Variants in TMEM269 observed in about 807,000 individuals in gnomAD.
TMEM269 encodes transmembrane protein 269.
In TMEM269, 12 loss-of-function variants were observed where a neutral mutation model predicts 15.8. That is an observed-to-expected ratio of 0.76 (90% CI 0.49 to 1.23). The LOEUF is 1.23. Among genes scored for constraint, TMEM269 ranks in the 50% most tolerant of loss-of-function variants. The pLI is 0.00. For synonymous variants in TMEM269, 93 were observed against 99.3 expected, an observed-to-expected ratio of 0.94 and a Z score of 0.38; for missense variants, 211 against 245.4, an observed-to-expected ratio of 0.86 and a Z score of 0.94.
chr1:42,798,206 G>A lies in TMEM269; in HGVS notation c.593G>A (p.Cys198Tyr). ...GATGCTCTGTGGGGCAAGGCAGCCT[G>A]TCTTTCGCCACAGCACTGAGGAAGC... ...FPDALWGKAA[C>Y]LSPQH The change falls in exon 6 of 6, where the codon TGT becomes TAT. Residue 198 changes from cysteine to tyrosine, a missense_variant. By Grantham distance (194) the Cys-to-Tyr change is radical. Coordinates refer to ENST00000637012, the MANE Select transcript of TMEM269 (RefSeq NM_001354602.2). The A allele has an allele frequency of 6.5e-7, 1 of 1,547,478 alleles. No individual in the cohort carries two copies. The highest frequency in any genetic ancestry group is 8.7e-7 in the Non-Finnish European group (1 of 1,147,018).
At chr1:42,795,660 A>G (rs1653779342) in intron 5 of TMEM269, among the ~76,000 whole-genome samples, 1 of 152,204 alleles carries the variant, frequency 6.6e-6, no homozygotes, top group Non-Finnish European at 1.5e-5. Flanking sequence ...CCAGGCCCTG[A>G]GTTCCTGGTC....
At chr1:42,785,327 G>A (rs535115177) in intron 1 of TMEM269, among the ~76,000 whole-genome samples, 18 of 152,304 alleles carry the variant, frequency 1.2e-4, no homozygotes, top group Middle Eastern at 6.8e-3. Flanking sequence ...TGGCATGAGC[G>A]GCGTCGTCGC....
chr1:42,785,492 C>T (rs1653524595), intron 1 of TMEM269, among the ~76,000 whole-genome samples: 1 of 152,220 alleles, frequency 6.6e-6, no homozygotes, highest in Non-Finnish European at 1.5e-5. Context: ...CTTTTCTCCT[C>T]ACGTCCACCC....
In TMEM269 at chr1:42,793,689, C is replaced by A; in HGVS notation, c.228C>A (p.Ile76=). ...LLGVDGLLSG[I]LAIIYVSAAS... is the part of the protein sequence containing the mutation. ...GCGTGGATGGACTTCTGAGTGGGATCCTGGCCATCATCTATGTGTCAGCTG... is the reference window on the plus strand; with the variant it reads ...GCGTGGATGGACTTCTGAGTGGGATACTGGCCATCATCTATGTGTCAGCTG... Residue 76 remains isoleucine (I), a synonymous_variant, in exon 4 of 6, where the codon ATC becomes ATA. Transcript: ENST00000637012. 3 of 1,550,622 alleles carry A rather than the reference C, an allele frequency of 1.9e-6. No individual in the cohort carries two copies. Among genetic ancestry groups the A allele is most frequent in the Non-Finnish European group, 2.6e-6 (3 of 1,146,980 alleles).
chr1:42,798,296 G>T lies in TMEM269; in HGVS notation c.*71G>T, dbSNP rs902374296. 4.6e-6 allele frequency: 7 copies of T among 1,526,560 alleles called. No homozygotes were observed. The African/African-American group carries it at 9.6e-5, about 21-fold the overall frequency. 94.6% of individuals were successfully genotyped at this position (1,526,560 alleles called of 1,614,324 possible). ...TGTGTCAGCATATTGGGTCAAGCCT[G>T]CACTAAAGCTTTGTATGTACCTGTG... On this transcript the variant is annotated 3_prime_UTR_variant, in exon 6 of 6. Coordinates refer to ENST00000637012, the MANE Select transcript of TMEM269 (RefSeq NM_001354602.2).
chr1:42,793,577 C>T, intron 3 of TMEM269, 24 bp from the exon 4 acceptor site: 1 of 1,542,406 alleles, frequency 6.5e-7, no homozygotes, highest in Non-Finnish European at 8.7e-7. Context: ...ATAAGTTCTT[C>T]TAACCTTGGG....
intron 5 of TMEM269, 51 bp from the exon 6 acceptor site, chr1:42,798,047 A>C: frequency 6.5e-7 from 1 of 1,548,196 alleles, no homozygotes; most frequent in Non-Finnish European, 8.7e-7. Context: ...GGTAGAAAGC[A>C]TAGAAGACAG....
intron 5 of TMEM269, among the ~76,000 whole-genome samples, 180 bp downstream of exon 5, chr1:42,794,793 A>G (rs1464799379): frequency 6.6e-6 from 1 of 152,220 alleles, no homozygotes. Context: ...CCCCCAATAG[A>G]GGACTCTCTT....
In TMEM269 at chr1:42,788,474, G is replaced by A. The variant is rs571324539; in HGVS notation, c.-98-1322G>A. On this transcript the variant is annotated intron_variant, in intron 1 of 5. Coordinates refer to ENST00000637012, the MANE Select transcript of TMEM269 (RefSeq NM_001354602.2). This position sits in a 1 kb window ranked among gnomAD's most constrained non-coding sequence, Gnocchi z 4.0. Reference sequence around the variant, plus strand: ...TTCTCAAGCAGATTGAGTGTAAGGTGTACAAATGTGGTCTTAGAGTAAAAA... The same window carrying A: ...TTCTCAAGCAGATTGAGTGTAAGGTATACAAATGTGGTCTTAGAGTAAAAA... Among the ~76,000 whole-genome samples, 20 of 152,258 alleles carry A rather than the reference G, an allele frequency of 1.3e-4. No individual in the cohort carries two copies. Among genetic ancestry groups the A allele is most frequent in the African/African-American group, 4.6e-4 (19 of 41,554 alleles).
In TMEM269 at chr1:42,793,170, T is replaced by C. The variant is rs926674808; in HGVS notation, c.139+268T>C. 4.6e-5 allele frequency among the ~76,000 whole-genome samples: 7 copies of C among 152,256 alleles called. No individual in the cohort carries two copies. The East Asian group carries it at 1.2e-3, about 25-fold the overall frequency. ...TCTCATCTGCCCTGCTTCCCTGTTC[T>C]GGGCCCATCCAGGTATTGGAGTGGA... On this transcript the variant is annotated intron_variant, in intron 3 of 5. Coordinates refer to ENST00000637012, the MANE Select transcript of TMEM269 (RefSeq NM_001354602.2).
chr1:42,789,625 T>C, intron 1 of TMEM269, 171 bp from the exon 2 acceptor site: 1 of 965,276 alleles, frequency 1.0e-6, no homozygotes, highest in Non-Finnish European at 1.6e-6. Context: ...ACCTTTGTCT[T>C]CACCTCCTGA....
At position 42,798,456 on chromosome 1, in the gene TMEM269, G is replaced by C; in HGVS notation, c.*231G>C. On this transcript the variant is annotated 3_prime_UTR_variant, in exon 6 of 6. Coordinates refer to ENST00000637012, the MANE Select transcript of TMEM269 (RefSeq NM_001354602.2). ...GGACAATACTTGTTTATGTCATGTA[G>C]AGCAGAATATCCCCCCGCCTCAAGC... 1.9e-6 allele frequency: 1 copy of C among 531,410 alleles called. No individual in the cohort carries two copies. The highest frequency in any genetic ancestry group is 3.3e-6 in the Non-Finnish European group (1 of 301,542). 32.9% of individuals were successfully genotyped at this position (531,410 alleles called of 1,614,324 possible).
intron 1 of TMEM269, chr1:42,789,331 T>A: frequency 1.0e-6 from 1 of 993,532 alleles, no homozygotes; most frequent in Non-Finnish European, 1.5e-6. Context: ...TGCAGCCCTG[T>A]GCTTCAGAAG....
intron 5 of TMEM269, 68 bp downstream of exon 5, chr1:42,794,681 G>A (rs1653762499): frequency 2.8e-6 from 3 of 1,085,252 alleles, no homozygotes; most frequent in Non-Finnish European, 4.1e-6. Flanking sequence ...CCTCACCCCA[G>A]CATTTTTCTA....
At position 42,792,868 on chromosome 1, in the gene TMEM269, A is replaced by G. The variant is rs1461447335; in HGVS notation, c.105A>G (p.Ala35=). The change falls in exon 3 of 6, where the codon GCA becomes GCG. Residue 35 remains alanine, a synonymous_variant. Coordinates refer to ENST00000637012, the MANE Select transcript of TMEM269 (RefSeq NM_001354602.2). Reference sequence around the variant, plus strand: ...TCCTGTTAGACATGGCAGTCAGGGCAATGACCAGCCACATCAACATATGCT... The same window carrying G: ...TCCTGTTAGACATGGCAGTCAGGGCGATGACCAGCCACATCAACATATGCT... ...VSFLLDMAVR[A]MTSHINICSK... The G allele has an allele frequency of 1.9e-6, 3 of 1,550,528 alleles. No individual in the cohort carries two copies. The highest frequency in any genetic ancestry group is 2.6e-6 in the Non-Finnish European group (3 of 1,146,994).
chr1:42,789,286 GGCCT>G (rs1481740997), intron 1 of TMEM269: 2 of 639,284 alleles, frequency 3.1e-6, no homozygotes, highest in African/African-American at 3.6e-5. Flanking sequence ...TTCTGACTGG[GGCCT>G]GTCAGAACCA....
intron 4 of TMEM269, among the ~76,000 whole-genome samples, chr1:42,794,196 C>T (rs1342740436): frequency 6.6e-6 from 1 of 152,146 alleles, no homozygotes; most frequent in Non-Finnish European, 1.5e-5. Flanking sequence ...CCAGGGCACA[C>T]CCTGGTCCTA....
Position 42,793,004 on chromosome 1 carries a change from T to C in TMEM269, c.139+102T>C, listed in dbSNP as rs2124218849. ...ACATCCCGCAGGCCTTCATCAGGCATCCACCCCTGTTCACACCCCGCTGAG... is the reference window on the plus strand; with the variant it reads ...ACATCCCGCAGGCCTTCATCAGGCACCCACCCCTGTTCACACCCCGCTGAG... On this transcript the variant is annotated intron_variant, in intron 3 of 5. Coordinates refer to ENST00000637012, the MANE Select transcript of TMEM269 (RefSeq NM_001354602.2). The C allele has an allele frequency of 3.3e-6, 3 of 912,748 alleles. No individual in the cohort carries two copies. The East Asian group carries it at 7.9e-5, about 24-fold the overall frequency. The allele number at this position is 912,748 out of a possible 1,614,324, so 56.5% of individuals were successfully genotyped here. A position where few individuals can be genotyped will look rare whatever the true frequency, so the allele number is the denominator to read the frequency against.
chr1:42,789,623 C>A, intron 1 of TMEM269, 173 bp from the exon 2 acceptor site: 1 of 965,188 alleles, frequency 1.0e-6, no homozygotes, highest in Non-Finnish European at 1.6e-6. Flanking sequence ...GCACCTTTGT[C>A]TTCACCTCCT....
Sources: gnomAD v4.1 joint callset for allele counts (sites outside exome capture counted in the v4.1 genomes callset) on GRCh38, gnomAD v4.1.1 for gene constraint, Gnocchi (gnomAD v3.1) non-coding constraint, MANE v1.5 for transcripts, NCBI Gene and HGNC (gene_info 2026-07-23, HGNC 2026-07-21) for gene names.